The following PTPRN2 variants were observed in gnomAD, a reference collection of about 807,000 sequenced individuals.
PTPRN2 encodes the protein receptor-type tyrosine-protein phosphatase N2.
PTPRN2 carries 74 observed loss-of-function variants against 118.8 expected under a neutral mutation model. The ratio of observed to expected loss-of-function variants is 0.62; its 90% CI spans 0.52 to 0.76. The LOEUF (loss-of-function observed/expected upper bound fraction) is 0.76. Ranked by LOEUF, PTPRN2 falls within the 30% of genes least tolerant of loss-of-function variation. PTPRN2 has a pLI of 0.00. For missense variants in PTPRN2, 1,481 were observed against 1,394.4 expected (o/e 1.06, Z -0.99); for synonymous variants, 641 against 608.0 (o/e 1.05, Z -0.80).
At position 158,025,319 on chromosome 7, in the gene PTPRN2, A is replaced by T. The variant is rs554325082; in HGVS notation, c.1723+55979T>A. Among the ~76,000 whole-genome samples the T allele has an allele frequency of 4.1e-4, 63 of 152,332 alleles. 1 individual carries two copies. The Middle Eastern group carries it at 0.01, about 25-fold the overall frequency. ...ATCCAAAATACATTGTTAATATTTT[A>T]AAAAGCAGACAAAGGCCCCCATGGT... On this transcript the variant is annotated intron_variant, in intron 11 of 22. Coordinates refer to ENST00000389418, the MANE Select transcript of PTPRN2 (RefSeq NM_002847.5).
chr7:157,924,583 GAA>G (rs755014573), intron 11 of PTPRN2, among the ~76,000 whole-genome samples: 2 of 152,250 alleles, frequency 1.3e-5, no homozygotes, highest in East Asian at 1.9e-4. Context: ...TCTTGAGCTG[GAA>G]AACAGGTCAT....
intron 21 of PTPRN2, among the ~76,000 whole-genome samples, chr7:157,555,255 T>A (rs996805801): frequency 7.2e-5 from 11 of 152,232 alleles, no homozygotes; most frequent in Non-Finnish European, 1.6e-4. Context: ...TTAAATACAT[T>A]TGTAAGACAA....
intron 12 of PTPRN2, among the ~76,000 whole-genome samples, chr7:157,751,312 CGAGGGA>C (rs1354098720): frequency 1.3e-5 from 2 of 152,044 alleles, no homozygotes; most frequent in Non-Finnish European, 2.9e-5. Flanking sequence ...ATGGGGTCAG[CGAGGGA>C]GAGCAGGTGG....
At chr7:158,047,130 T>A (rs1808938095) in intron 11 of PTPRN2, among the ~76,000 whole-genome samples, 1 of 152,206 alleles carries the variant, frequency 6.6e-6, no homozygotes, top group Admixed American at 6.5e-5. Flanking sequence ...ACAGAGCATT[T>A]GCTGAGTGCA....
In PTPRN2 at chr7:157,903,272, G is replaced by A. The variant is rs181462131; in HGVS notation, c.1724-4535C>T. Among the ~76,000 whole-genome samples the A allele has an allele frequency of 6.6e-6, 1 of 152,130 alleles. No homozygotes were observed. The highest frequency in any genetic ancestry group is 2.4e-5 in the African/African-American group (1 of 41,396). ...GACACGTAAGAGGGAATGTGAGAGGGAATGTGAGAGGGAGGTGGGAGAAAA... is the reference window on the plus strand; with the variant it reads ...GACACGTAAGAGGGAATGTGAGAGGAAATGTGAGAGGGAGGTGGGAGAAAA... On this transcript the variant is annotated intron_variant, in intron 11 of 22. Coordinates refer to ENST00000389418, the MANE Select transcript of PTPRN2 (RefSeq NM_002847.5). The surrounding 1 kb of genome is among the most constrained non-coding windows in gnomAD (Gnocchi z 4.2).
Position 158,441,061 on chromosome 7 carries a change from G to A in PTPRN2, c.163+48674C>T, listed in dbSNP as rs115403329. Among the ~76,000 whole-genome samples, 138 of 52,034 alleles carry A rather than the reference G, an allele frequency of 2.7e-3. 6 individuals carry two copies. The highest frequency in any genetic ancestry group is 7.2e-3 in the African/African-American group (135 of 18,774). 34.1% of individuals were successfully genotyped at this position (52,034 alleles called of 152,430 possible). Reference sequence around the variant, plus strand: ...GTAGTAGTGATGGTGGTAGTGATGGGGGTGGTAGTGATGGTGGTGCTGGTG... The same window carrying A: ...GTAGTAGTGATGGTGGTAGTGATGGAGGTGGTAGTGATGGTGGTGCTGGTG... On this transcript the variant is annotated intron_variant, in intron 2 of 22. Coordinates refer to ENST00000389418, the MANE Select transcript of PTPRN2 (RefSeq NM_002847.5).
In PTPRN2 at chr7:158,508,241, G is replaced by A. The variant is rs114357349; in HGVS notation, c.113-18456C>T. Among the ~76,000 whole-genome samples, 1,351 of 152,344 alleles carry A rather than the reference G, an allele frequency of 8.9e-3. 18 individuals carry two copies. Among genetic ancestry groups the A allele is most frequent in the African/African-American group, 0.031 (1,276 of 41,584 alleles). On this transcript the variant is annotated intron_variant, in intron 1 of 22. Coordinates refer to ENST00000389418, the MANE Select transcript of PTPRN2 (RefSeq NM_002847.5). ...CAGGGGACAGCCCCACGCTGGGCAG[G>A]GGGCAGGAGATGACACTGTGGTCAT...
chr7:158,532,629 C>G (rs532163804), intron 1 of PTPRN2: 2 of 470,388 alleles, frequency 4.3e-6, no homozygotes, highest in East Asian at 1.1e-4. Flanking sequence ...AAAAACGTCA[C>G]TAAACTTCAA....
intron 17 of PTPRN2, among the ~76,000 whole-genome samples, chr7:157,592,220 C>G (rs1801019853): frequency 6.6e-6 from 1 of 152,228 alleles, no homozygotes; most frequent in Non-Finnish European, 1.5e-5. Context: ...GATGTAAACA[C>G]TGATCAAATG....
At chr7:158,210,078 A>G (rs1475829317) in intron 3 of PTPRN2, among the ~76,000 whole-genome samples, 7 of 152,008 alleles carry the variant, frequency 4.6e-5, no homozygotes, top group Non-Finnish European at 8.8e-5. Flanking sequence ...TTATAGCTAT[A>G]AGCAACTACA....
chr7:158,140,441 A>G (rs1819265555), intron 6 of PTPRN2, among the ~76,000 whole-genome samples: 2 of 152,238 alleles, frequency 1.3e-5, no homozygotes. Context: ...ATAGTTCCAC[A>G]GACAGAGTCT....
At chr7:157,759,366 T>C (rs1222774210) in intron 12 of PTPRN2, among the ~76,000 whole-genome samples, 3 of 152,212 alleles carry the variant, frequency 2.0e-5, no homozygotes, top group Admixed American at 2.0e-4. Context: ...TGGGAGGCCC[T>C]GCTTCCTGGA....
At chr7:158,537,900 T>C (rs1277397825) in intron 1 of PTPRN2, among the ~76,000 whole-genome samples, 2 of 152,278 alleles carry the variant, frequency 1.3e-5, no homozygotes, top group East Asian at 3.8e-4. Context: ...ATTTGCTAGC[T>C]TCACCTTGAC....
chr7:158,337,595 ACACCCACAC>A (rs1805915916), intron 2 of PTPRN2, among the ~76,000 whole-genome samples: 3 of 93,780 alleles, frequency 3.2e-5, no homozygotes. Context: ...GACGTCACTC[ACACCCACAC>A]TCTCACCATA....
chr7:158,011,937 T>C (rs1279139666), intron 11 of PTPRN2, among the ~76,000 whole-genome samples: 1 of 152,246 alleles, frequency 6.6e-6, no homozygotes, highest in East Asian at 1.9e-4. Context: ...TCATGGTTTC[T>C]TTCTTTTTTT....
intron 12 of PTPRN2, among the ~76,000 whole-genome samples, chr7:157,822,347 GTCCA>G (rs1187784838): frequency 6.9e-6 from 1 of 145,424 alleles, no homozygotes; most frequent in Admixed American, 6.8e-5. Flanking sequence ...CCATCCATCC[GTCCA>G]TCCATCTATA....
At chr7:158,141,131 C>T (rs1194053507) in intron 6 of PTPRN2, among the ~76,000 whole-genome samples, 1 of 152,192 alleles carries the variant, frequency 6.6e-6, no homozygotes, top group East Asian at 1.9e-4. Flanking sequence ...CAACCTTCTG[C>T]CCTAGAGGGA....
chr7:157,961,878 CACAGTG>C (rs1312615796), intron 11 of PTPRN2, among the ~76,000 whole-genome samples: 4 of 152,084 alleles, frequency 2.6e-5, no homozygotes, highest in African/African-American at 9.7e-5. Flanking sequence ...CTTCCTGAGT[CACAGTG>C]AGCCCAGGAG....
intron 2 of PTPRN2, among the ~76,000 whole-genome samples, chr7:158,443,254 C>T (rs1341968513): frequency 1.3e-5 from 2 of 152,302 alleles, no homozygotes; most frequent in South Asian, 2.1e-4. Flanking sequence ...CCAGCGGCTC[C>T]CGCGGCTCCA....
Sources: allele counts gnomAD v4.1 joint callset (sites outside exome capture counted in the v4.1 genomes callset), GRCh38; gene constraint gnomAD v4.1.1; non-coding constraint Gnocchi (gnomAD v3.1); transcripts MANE v1.5; gene names NCBI Gene and HGNC (gene_info 2026-07-23, HGNC 2026-07-21).